The following ABCC8 variants were observed in gnomAD, a reference collection of about 807,000 sequenced individuals.
ABCC8 encodes ATP binding cassette subfamily C member 8.
A neutral mutation model predicts 188.0 loss-of-function variants in ABCC8; 137 were observed. The ratio of observed to expected loss-of-function variants is 0.73; its 90% CI spans 0.63 to 0.84. ABCC8 has a LOEUF of 0.84. ABCC8 is among the 40% of genes least tolerant of loss of function. The pLI is 0.00. For missense variants in ABCC8, 1,750 were observed against 2,072.7 expected (o/e 0.84, Z 3.02); for synonymous variants, 797 against 846.5 (o/e 0.94, Z 1.01).
chr11:17,450,650 G>T (rs1956778135), intron 7 of ABCC8, among the ~76,000 whole-genome samples: 1 of 141,574 alleles, frequency 7.1e-6, no homozygotes, highest in Non-Finnish European at 1.5e-5. Flanking sequence ...ACCCGCCTTG[G>T]CCTCCCAAAG....
At position 17,427,408 on chromosome 11, in the gene ABCC8, T is replaced by C. The variant is rs1423442945; in HGVS notation, c.2117-254A>G. Reference sequence around the variant, plus strand: ...CCTTCCTAAGCACTCGCTTCTCCTTTCCCATGCTCCTAGTATGAGCCCAGG... The same window carrying C: ...CCTTCCTAAGCACTCGCTTCTCCTTCCCCATGCTCCTAGTATGAGCCCAGG... On this transcript the variant is annotated intron_variant, in intron 15 of 38. Coordinates refer to ENST00000389817, the MANE Select transcript of ABCC8 (RefSeq NM_000352.6). This position sits in a 1 kb window ranked among gnomAD's most constrained non-coding sequence, Gnocchi z 5.0. Among the ~76,000 whole-genome samples the C allele has an allele frequency of 2.0e-5, 3 of 152,074 alleles. No individual in the cohort carries two copies. The highest frequency in any genetic ancestry group is 4.4e-5 in the Non-Finnish European group (3 of 68,014).
intron 8 of ABCC8, among the ~76,000 whole-genome samples, chr11:17,446,480 T>A (rs192176530): frequency 1.3e-5 from 2 of 152,292 alleles, no homozygotes; most frequent in African/African-American, 4.8e-5. Flanking sequence ...GGTCTCTCTA[T>A]GTTGCCCAGG....
Position 17,464,346 on chromosome 11 carries a change from G to T in ABCC8, c.413-742C>A, listed in dbSNP as rs774286025. ...GATGGAGCAGGGGCATGGGGGATAC[G>T]GAAAGAGCCAGCCACAGTTCTGTGA... On this transcript the variant is annotated intron_variant, in intron 3 of 38. Transcript: ENST00000389817. Among the ~76,000 whole-genome samples the T allele has an allele frequency of 2.0e-5, 3 of 152,184 alleles. No homozygotes were observed. The South Asian group carries it at 6.2e-4, about 32-fold the overall frequency.
rs1302520207 is a variant in ABCC8, at chr11:17,450,316, TTCTTTCTTTC to T, written c.1177-1655_1177-1646del. On this transcript the variant is annotated intron_variant, in intron 7 of 38. Coordinates refer to ENST00000389817, the MANE Select transcript of ABCC8 (RefSeq NM_000352.6). The stretch of plus-strand genomic sequence containing the variant: ...TTTCTTTCTTTCTTTCTTTCTTTCT[TTCTTTCTTTC>T]TCTCTCTCTCTTTCCTTTCTTTCTT... 7.1e-3 allele frequency among the ~76,000 whole-genome samples: 820 copies of T among 116,082 alleles called. 12 individuals are homozygous for T. The highest frequency in any genetic ancestry group is 0.025 in the African/African-American group (691 of 27,210). 76.2% of individuals were successfully genotyped at this position (116,082 alleles called of 152,430 possible).
chr11:17,462,303 G>T (rs1202418468), intron 4 of ABCC8, among the ~76,000 whole-genome samples: 4 of 152,190 alleles, frequency 2.6e-5, no homozygotes, highest in African/African-American at 9.7e-5. Context: ...TCCTGTGAGG[G>T]TCACTGGATG....
chr11:17,417,457 C>G (rs919430399), intron 16 of ABCC8, among the ~76,000 whole-genome samples: 2 of 152,096 alleles, frequency 1.3e-5, no homozygotes, highest in Non-Finnish European at 2.9e-5. Context: ...TTTATAAATG[C>G]ATAAATATAG....
At chr11:17,436,521 G>T (rs574122072) in intron 10 of ABCC8, among the ~76,000 whole-genome samples, 2 of 152,276 alleles carry the variant, frequency 1.3e-5, no homozygotes, top group South Asian at 2.1e-4. Context: ...CCAAGGTGAG[G>T]TGACTCACCT....
intron 33 of ABCC8, 195 bp downstream of exon 33, chr11:17,396,721 G>C: frequency 1.5e-6 from 1 of 681,180 alleles, no homozygotes; most frequent in Admixed American, 2.6e-5. Flanking sequence ...CCTGAGGGCA[G>C]CACTGGGGGA....
At chr11:17,399,275 CAAAAAAAAAA>C (rs57138230) in intron 29 of ABCC8, among the ~76,000 whole-genome samples, 1,934 of 58,534 alleles carry the variant, frequency 0.033, 33 homozygotes, top group Middle Eastern at 0.054. Flanking sequence ...GACTCTGCCT[CAAAAAAAAAA>C]AAAAAAAAAA....
intron 6 of ABCC8, among the ~76,000 whole-genome samples, chr11:17,454,451 G>A (rs537281980): frequency 7.2e-5 from 11 of 152,288 alleles, no homozygotes; most frequent in Admixed American, 2.6e-4. Flanking sequence ...TGAGGGATGC[G>A]TGCAAGACTC....
At chr11:17,430,691 A>G in intron 12 of ABCC8, 123 bp downstream of exon 12, 5 of 1,168,574 alleles carry the variant, frequency 4.3e-6, no homozygotes, top group Non-Finnish European at 6.4e-6. Context: ...CAGCTACAGC[A>G]AGGCCCAGCA....
intron 6 of ABCC8, among the ~76,000 whole-genome samples, chr11:17,454,994 G>A (rs1388036477): frequency 6.6e-6 from 1 of 152,138 alleles, no homozygotes; most frequent in East Asian, 1.9e-4. Context: ...GGATTCTTCT[G>A]TCCCACTGTC....
At chr11:17,457,762 T>C (rs1957047327) in intron 6 of ABCC8, among the ~76,000 whole-genome samples, 1 of 152,214 alleles carries the variant, frequency 6.6e-6, no homozygotes, top group Admixed American at 6.5e-5. Context: ...ATGTTCGTCC[T>C]TGCGGATACC....
At chr11:17,411,196 C>T (rs917692805) in intron 21 of ABCC8, among the ~76,000 whole-genome samples, 8 of 152,204 alleles carry the variant, frequency 5.3e-5, no homozygotes, top group Non-Finnish European at 7.3e-5. Context: ...TCCCTATTCC[C>T]GTGACACTGG....
intron 5 of ABCC8, chr11:17,461,343 G>A (rs1957181351): frequency 1.7e-6 from 1 of 573,662 alleles, no homozygotes; most frequent in South Asian, 2.0e-5. Context: ...ATCTGGATAA[G>A]GACTTTGGAC....
chr11:17,411,027 C>T (rs1564899713), intron 21 of ABCC8, among the ~76,000 whole-genome samples: 1 of 152,202 alleles, frequency 6.6e-6, no homozygotes, highest in Non-Finnish European at 1.5e-5. Context: ...TTCCAGGTTC[C>T]CAGGAAGCCT....
chr11:17,410,457 A>G, intron 22 of ABCC8, 59 bp downstream of exon 22: 1 of 1,579,782 alleles, frequency 6.3e-7, no homozygotes, highest in Non-Finnish European at 8.7e-7. Flanking sequence ...TCCTGCCAAG[A>G]TGCCTGACAG....
chr11:17,396,579 G>A (rs532665635), intron 33 of ABCC8: 48 of 367,646 alleles, frequency 1.3e-4, no homozygotes, highest in Non-Finnish European at 2.3e-4. Context: ...CCAGGTCCCT[G>A]CCCTGAAGCT....
intron 5 of ABCC8, chr11:17,461,097 G>C: frequency 2.9e-6 from 1 of 342,826 alleles, no homozygotes; most frequent in Non-Finnish European, 5.6e-6. Flanking sequence ...TGCCAGCTGT[G>C]GCCAGCTCTG....
Sources: allele counts gnomAD v4.1 joint callset (sites outside exome capture counted in the v4.1 genomes callset), GRCh38; gene constraint gnomAD v4.1.1; non-coding constraint Gnocchi (gnomAD v3.1); transcripts MANE v1.5; gene names NCBI Gene and HGNC (gene_info 2026-07-23, HGNC 2026-07-21).